The following LRMDA variants were observed in gnomAD, a reference collection of about 807,000 sequenced individuals.
The protein encoded by LRMDA is leucine rich melanocyte differentiation associated.
A neutral mutation model predicts 29.8 loss-of-function variants in LRMDA; 18 were observed. That is an observed-to-expected ratio of 0.60 (90% confidence interval 0.42 to 0.90). The LOEUF (loss-of-function observed/expected upper bound fraction) is 0.90, where lower values mean the gene tolerates loss of function less well. Ranked by LOEUF, LRMDA falls within the 40% of genes least tolerant of loss-of-function variation. The probability of loss-of-function intolerance (pLI) is 0.00; values close to 1 mark genes in which losing one functional copy is unlikely to be tolerated. For missense variants in LRMDA, 273 were observed against 273.9 expected (o/e 1.00, Z 0.02); for synonymous variants, 125 against 109.4 (o/e 1.14, Z -0.89).
intron 2 of LRMDA, among the ~76,000 whole-genome samples, chr10:75,442,765 T>C (rs1018175893): frequency 1.3e-5 from 2 of 152,136 alleles, no homozygotes; most frequent in Admixed American, 6.6e-5. Flanking sequence ...AGGATTTTTT[T>C]TTCTATTTCT....
intron 5 of LRMDA, among the ~76,000 whole-genome samples, chr10:76,172,715 C>A (rs1850860857): frequency 6.6e-6 from 1 of 152,122 alleles, no homozygotes; most frequent in Non-Finnish European, 1.5e-5. Context: ...ATATACAGGG[C>A]ATCCAGTAGA....
At chr10:76,505,909 A>G (rs1246764147) in intron 6 of LRMDA, among the ~76,000 whole-genome samples, 1 of 152,176 alleles carries the variant, frequency 6.6e-6, no homozygotes, top group Admixed American at 6.6e-5. Flanking sequence ...TAGCTGTAGC[A>G]TAAGTTGAGT....
At chr10:76,410,079 T>A (rs1841942056) in intron 6 of LRMDA, among the ~76,000 whole-genome samples, 1 of 151,874 alleles carries the variant, frequency 6.6e-6, no homozygotes, top group Non-Finnish European at 1.5e-5. Flanking sequence ...GAACAGCATG[T>A]ATAATGGGCC....
intron 2 of LRMDA, among the ~76,000 whole-genome samples, chr10:75,689,418 G>A (rs537690967): frequency 1.8e-4 from 27 of 152,328 alleles, no homozygotes; most frequent in Admixed American, 1.4e-3. Flanking sequence ...TCTCTAGGTT[G>A]CCCTTTCTTA....
intron 2 of LRMDA, among the ~76,000 whole-genome samples, chr10:75,735,720 G>A (rs976399359): frequency 1.3e-5 from 2 of 152,122 alleles, no homozygotes; most frequent in African/African-American, 4.8e-5. Flanking sequence ...TTGGGTTTGT[G>A]TGACACTGTT....
intron 2 of LRMDA, among the ~76,000 whole-genome samples, chr10:76,013,626 T>C (rs1417889171): frequency 6.6e-6 from 1 of 151,902 alleles, no homozygotes; most frequent in Non-Finnish European, 1.5e-5. Flanking sequence ...ACTGGGTTCA[T>C]CACCATGACA....
At chr10:76,118,035 T>A (rs1489082180) in intron 5 of LRMDA, among the ~76,000 whole-genome samples, 1 of 152,202 alleles carries the variant, frequency 6.6e-6, no homozygotes, top group African/African-American at 2.4e-5. Context: ...GACTTCCTGG[T>A]AGAGCCATGC....
At chr10:75,489,579 G>A (rs1288287912) in intron 2 of LRMDA, among the ~76,000 whole-genome samples, 1 of 152,154 alleles carries the variant, frequency 6.6e-6, no homozygotes. Flanking sequence ...GTACGATGTC[G>A]GAGTTTGAAG....
chr10:75,485,062 C>A (rs1844895255), intron 2 of LRMDA, among the ~76,000 whole-genome samples: 1 of 152,168 alleles, frequency 6.6e-6, no homozygotes, highest in Non-Finnish European at 1.5e-5. Context: ...TAAAACTTAC[C>A]TGTAAAATAC....
At chr10:75,568,524 A>G (rs1166644023) in intron 2 of LRMDA, among the ~76,000 whole-genome samples, 2 of 152,204 alleles carry the variant, frequency 1.3e-5, no homozygotes, top group African/African-American at 4.8e-5. Context: ...AAAACAAGAG[A>G]ACACTGTGGT....
At chr10:75,879,845 C>T (rs553741496) in intron 2 of LRMDA, among the ~76,000 whole-genome samples, 6 of 152,234 alleles carry the variant, frequency 3.9e-5, no homozygotes, top group Admixed American at 1.3e-4. Flanking sequence ...TGGGTTATGA[C>T]GAACATGGGA....
intron 2 of LRMDA, among the ~76,000 whole-genome samples, chr10:75,556,715 A>AT (rs1840217887): frequency 1.3e-5 from 1 of 78,152 alleles, no homozygotes; most frequent in Non-Finnish European, 3.6e-5. Context: ...CCTGAAGCAT[A>AT]AGGGGTGGGG....
intron 2 of LRMDA, among the ~76,000 whole-genome samples, chr10:75,912,977 G>T (rs373140538): frequency 1.3e-5 from 2 of 152,208 alleles, no homozygotes; most frequent in East Asian, 1.9e-4. Flanking sequence ...TTGAAGCCAG[G>T]CATCCAGGAC....
chr10:75,744,516 T>C (rs1449601528), intron 2 of LRMDA, among the ~76,000 whole-genome samples: 1 of 152,196 alleles, frequency 6.6e-6, no homozygotes, highest in Non-Finnish European at 1.5e-5. Context: ...CCAGAAAATA[T>C]ATTTCATTCC....
At chr10:76,083,991 A>G (rs1849091453) in intron 5 of LRMDA, among the ~76,000 whole-genome samples, 1 of 152,120 alleles carries the variant, frequency 6.6e-6, no homozygotes, top group Admixed American at 6.5e-5. Flanking sequence ...CTCTCAGGGT[A>G]CTTGAGCCTT....
At chr10:75,719,245 C>A (rs1305730786) in intron 2 of LRMDA, among the ~76,000 whole-genome samples, 1 of 152,150 alleles carries the variant, frequency 6.6e-6, no homozygotes, top group Non-Finnish European at 1.5e-5. Flanking sequence ...CCAGAGGAAC[C>A]ATAGCAGTAA....
intron 5 of LRMDA, among the ~76,000 whole-genome samples, chr10:76,219,522 C>T (rs1409739749): frequency 1.3e-5 from 2 of 152,090 alleles, no homozygotes; most frequent in East Asian, 3.9e-4. Flanking sequence ...GCAAAGAAGG[C>T]CATTACATAA....
rs1209590091 is a variant in LRMDA, at chr10:75,466,961, G to T, written c.131+28467G>T. On this transcript the variant is annotated intron_variant, in intron 2 of 6. Transcript: ENST00000611255. ...ATTTAGCAGTTTTTTTTTTTCCAGTGACTCAGTTGATTTATTCAGCAGTTA... is the reference window on the plus strand; with the variant it reads ...ATTTAGCAGTTTTTTTTTTTCCAGTTACTCAGTTGATTTATTCAGCAGTTA... Among the ~76,000 whole-genome samples the T allele has an allele frequency of 2.0e-5, 3 of 151,326 alleles. No individual in the cohort carries two copies. The East Asian group carries it at 5.8e-4, about 29-fold the overall frequency.
intron 2 of LRMDA, among the ~76,000 whole-genome samples, chr10:75,846,118 G>C (rs1415824271): frequency 6.6e-6 from 1 of 151,558 alleles, no homozygotes; most frequent in Non-Finnish European, 1.5e-5. Context: ...TAAATAAGAA[G>C]TAATGCATTT....
Sources: gnomAD v4.1 joint callset for allele counts (sites outside exome capture counted in the v4.1 genomes callset) on GRCh38, gnomAD v4.1.1 for gene constraint, MANE v1.5 for transcripts, NCBI Gene and HGNC (gene_info 2026-07-23, HGNC 2026-07-21) for gene names.